The following ADGRL2 variants were observed in gnomAD, a reference collection of about 807,000 sequenced individuals.
The protein encoded by ADGRL2 is calcium-independent alpha-latrotoxin receptor 2.
ADGRL2 carries 44 observed loss-of-function variants against 157.4 expected under a neutral mutation model. The observed-to-expected ratio is 0.28, with a 90% CI of 0.22 to 0.36. The LOEUF is 0.36. Among genes scored for constraint, ADGRL2 ranks in the 10% least tolerant of loss-of-function variants. The probability of loss-of-function intolerance (pLI) is 1.00; values close to 1 mark genes in which losing one functional copy is unlikely to be tolerated. For missense variants in ADGRL2, 1,510 were observed against 1,768.9 expected, an observed-to-expected ratio of 0.85 and a Z score of 2.63; for synonymous variants, 585 against 624.7, an observed-to-expected ratio of 0.94 and a Z score of 0.95.
At chr1:81,338,372 A>AACAAAACAAAACAAAAC (rs1553154795) in intron 1 of ADGRL2, among the ~76,000 whole-genome samples, 3 of 150,976 alleles carry the variant, frequency 2.0e-5, no homozygotes, top group Admixed American at 1.3e-4. Context: ...CAAAAAACAA[A>AACAAAACAAAACAAAAC]ACAAAACAAA....
At chr1:81,367,430 C>T (rs2076085427) in intron 1 of ADGRL2, among the ~76,000 whole-genome samples, 1 of 152,152 alleles carries the variant, frequency 6.6e-6, no homozygotes, top group African/African-American at 2.4e-5. Context: ...TCCATGTGTT[C>T]TCATCATTCA....
intron 2 of ADGRL2, chr1:81,502,380 G>A: frequency 6.2e-7 from 1 of 1,614,180 alleles, no homozygotes; most frequent in South Asian, 1.1e-5. Flanking sequence ...GGCCGGGGAA[G>A]AGAGATCTCT....
intron 2 of ADGRL2, chr1:81,503,508 G>C (rs1201039615): frequency 6.3e-7 from 1 of 1,595,276 alleles, no homozygotes; most frequent in Non-Finnish European, 8.6e-7. Context: ...CTCTCCAGTC[G>C]AGAGTGAAGG....
intron 2 of ADGRL2, among the ~76,000 whole-genome samples, chr1:81,847,104 C>T (rs1372328895): frequency 1.3e-5 from 2 of 151,562 alleles, no homozygotes; most frequent in South Asian, 4.2e-4. Flanking sequence ...TAGGAAGGCT[C>T]ATTCAGGGAA....
chr1:81,526,819 A>G (rs1371694238), intron 2 of ADGRL2, among the ~76,000 whole-genome samples: 1 of 152,226 alleles, frequency 6.6e-6, no homozygotes, highest in Admixed American at 6.5e-5. Context: ...TAAATCAGAT[A>G]TTTTTGTCTG....
intron 3 of ADGRL2, among the ~76,000 whole-genome samples, chr1:81,623,785 C>T (rs150161819): frequency 0.015 from 2,302 of 151,864 alleles, 30 homozygotes; most frequent in Non-Finnish European, 0.024. Flanking sequence ...TACAGGCGTG[C>T]GCCACCACAG....
chr1:81,612,879 T>A (rs79067946), intron 3 of ADGRL2, among the ~76,000 whole-genome samples: 1 of 152,242 alleles, frequency 6.6e-6, no homozygotes, highest in Non-Finnish European at 1.5e-5. Context: ...TTCACATCTG[T>A]CAGGATGACT....
At chr1:81,398,732 C>G (rs1409179078) in intron 1 of ADGRL2, among the ~76,000 whole-genome samples, 1 of 152,196 alleles carries the variant, frequency 6.6e-6, no homozygotes, top group Admixed American at 6.5e-5. Context: ...ACCCAATTCT[C>G]TCCTGGTCTA....
chr1:81,857,099 C>A (rs536898743), intron 2 of ADGRL2, among the ~76,000 whole-genome samples: 1 of 152,224 alleles, frequency 6.6e-6, no homozygotes, highest in South Asian at 2.1e-4. Flanking sequence ...TTTCCAACAG[C>A]TCTGTGAGGT....
Position 81,970,551 on chromosome 1 carries a change from G to A in ADGRL2, c.2954+17G>A, listed in dbSNP as rs368075933. 1.6e-5 allele frequency: 25 copies of A among 1,584,500 alleles called. No homozygotes were observed. The highest frequency in any genetic ancestry group is 1.2e-4 in the African/African-American group (9 of 73,984). On this transcript the variant is annotated intron_variant, in intron 16 of 23. Transcript: ENST00000686636. ...AGAAAAAGCGTAAGTAATTGCAAGC[G>A]ACCTGAGTGTTTTTCAAGTGAATAA...
At chr1:81,538,997 G>C (rs1202952601) in intron 2 of ADGRL2, among the ~76,000 whole-genome samples, 2 of 111,592 alleles carry the variant, frequency 1.8e-5, no homozygotes, top group East Asian at 5.3e-4. Flanking sequence ...GATAGAGTGA[G>C]ACCCTGTCTC....
chr1:81,348,078 AAGT>A (rs759940220), intron 1 of ADGRL2, among the ~76,000 whole-genome samples: 42 of 152,352 alleles, frequency 2.8e-4, no homozygotes, highest in Non-Finnish European at 5.7e-4. Context: ...CACAGAGGCC[AAGT>A]GAGTAGGGCC....
intron 2 of ADGRL2, among the ~76,000 whole-genome samples, chr1:81,454,161 C>A (rs149424142): frequency 6.6e-6 from 1 of 151,928 alleles, no homozygotes; most frequent in East Asian, 1.9e-4. Flanking sequence ...CATCTCAATC[C>A]TCACTCTTTT....
intron 3 of ADGRL2, among the ~76,000 whole-genome samples, chr1:81,653,756 T>C (rs537415893): frequency 6.6e-6 from 1 of 152,302 alleles, no homozygotes; most frequent in East Asian, 1.9e-4. Context: ...AGGGATGTTC[T>C]GAGAAAAAAA....
chr1:81,472,891 G>T (rs999436110), intron 2 of ADGRL2, among the ~76,000 whole-genome samples: 1 of 152,122 alleles, frequency 6.6e-6, no homozygotes, highest in African/African-American at 2.4e-5. Context: ...ATTTAACATA[G>T]TGAATGTTTT....
chr1:81,419,574 C>A (rs185377302), intron 1 of ADGRL2, among the ~76,000 whole-genome samples: 3 of 152,174 alleles, frequency 2.0e-5, no homozygotes, highest in African/African-American at 7.2e-5. Flanking sequence ...TACTTATTTG[C>A]CAAATGACAA....
intron 1 of ADGRL2, among the ~76,000 whole-genome samples, chr1:81,438,892 T>A (rs2077456962): frequency 2.6e-5 from 4 of 152,142 alleles, no homozygotes; most frequent in Admixed American, 2.6e-4. Flanking sequence ...ACTCCTTGAA[T>A]CCCCCAAGTT....
intron 3 of ADGRL2, among the ~76,000 whole-genome samples, chr1:81,670,709 G>A (rs72939280): frequency 0.013 from 1,904 of 152,310 alleles, 33 homozygotes; most frequent in African/African-American, 0.043. Flanking sequence ...AAAATCATCA[G>A]TGTAGCCACA....
chr1:81,975,929 G>A (rs967734427), intron 17 of ADGRL2, among the ~76,000 whole-genome samples: 2 of 151,944 alleles, frequency 1.3e-5, no homozygotes, highest in African/African-American at 4.8e-5. Flanking sequence ...ATAATTATCA[G>A]AATGTATTGC....
Sources: allele counts gnomAD v4.1 joint callset (sites outside exome capture counted in the v4.1 genomes callset), GRCh38; gene constraint gnomAD v4.1.1; transcripts MANE v1.5; gene names NCBI Gene and HGNC (gene_info 2026-07-23, HGNC 2026-07-21).